Variants in ADGRB3 observed in about 807,000 individuals in gnomAD.
The protein encoded by ADGRB3 is brain-specific angiogenesis inhibitor 3.
Under a neutral mutation model 193.4 loss-of-function variants are expected in ADGRB3, and 37 were observed. That is an observed-to-expected ratio of 0.19 (90% confidence interval 0.15 to 0.25). The LOEUF is 0.25. ADGRB3 is among the 10% of genes least tolerant of loss of function. ADGRB3 has a pLI of 1.00. For missense variants in ADGRB3, 1,637 were observed against 1,852.9 expected, an observed-to-expected ratio of 0.88 and a Z score of 2.14; for synonymous variants, 690 against 644.2, an observed-to-expected ratio of 1.07 and a Z score of -1.08.
At chr6:68,894,386 G>C (rs536861956) in intron 3 of ADGRB3, among the ~76,000 whole-genome samples, 2 of 152,026 alleles carry the variant, frequency 1.3e-5, no homozygotes, top group African/African-American at 4.8e-5. Context: ...CAGAACATCT[G>C]TTCTGCAGAA....
At chr6:68,672,111 C>CT in intron 3 of ADGRB3, among the ~76,000 whole-genome samples, 1 of 151,828 alleles carries the variant, frequency 6.6e-6, no homozygotes, top group East Asian at 1.9e-4. Context: ...ATTATAATGT[C>CT]TTTTTTCATC....
chr6:69,301,274 AAC>A (rs938658042), intron 20 of ADGRB3, among the ~76,000 whole-genome samples: 1 of 151,830 alleles, frequency 6.6e-6, no homozygotes. Context: ...TATGCATACA[AAC>A]ACAGATTATA....
At chr6:68,702,342 C>G (rs990714237) in intron 3 of ADGRB3, among the ~76,000 whole-genome samples, 1 of 151,890 alleles carries the variant, frequency 6.6e-6, no homozygotes, top group Non-Finnish European at 1.5e-5. Context: ...GAAATCTGTC[C>G]CCATGATCCA....
chr6:68,890,645 C>T (rs984630505), intron 3 of ADGRB3, among the ~76,000 whole-genome samples: 35 of 152,216 alleles, frequency 2.3e-4, no homozygotes, highest in Non-Finnish European at 3.7e-4. Context: ...AGGTACAAGA[C>T]ATTAATAAAA....
At chr6:68,655,473 G>T (rs182448109) in intron 3 of ADGRB3, among the ~76,000 whole-genome samples, 1 of 151,598 alleles carries the variant, frequency 6.6e-6, no homozygotes, top group East Asian at 1.9e-4. Flanking sequence ...ACTCTTCACT[G>T]CAATTAGAAT....
chr6:68,716,992 G>T (rs766157971), intron 3 of ADGRB3, among the ~76,000 whole-genome samples: 7 of 151,580 alleles, frequency 4.6e-5, no homozygotes, highest in Non-Finnish European at 1.0e-4. Context: ...GATAAAGCCG[G>T]CTTTCTTCAT....
At chr6:68,869,911 T>C (rs1275915618) in intron 3 of ADGRB3, among the ~76,000 whole-genome samples, 1 of 152,106 alleles carries the variant, frequency 6.6e-6, no homozygotes, top group Non-Finnish European at 1.5e-5. Context: ...CTCCAGTAGC[T>C]GGGATTATAG....
At chr6:68,770,213 A>C (rs1389744206) in intron 3 of ADGRB3, among the ~76,000 whole-genome samples, 1 of 152,144 alleles carries the variant, frequency 6.6e-6, no homozygotes, top group Non-Finnish European at 1.5e-5. Context: ...GAAGGAATAC[A>C]TTAAGGGAAC....
At position 68,882,995 on chromosome 6, in the gene ADGRB3, G is replaced by A. The variant is rs147902843; in HGVS notation, c.758-47564G>A. 5.7e-3 allele frequency among the ~76,000 whole-genome samples: 865 copies of A among 152,072 alleles called. 4 individuals are homozygous for A. Among genetic ancestry groups the A allele is most frequent in the Non-Finnish European group, 8.0e-3 (544 of 67,984 alleles). On this transcript the variant is annotated intron_variant, in intron 3 of 31. Transcript: ENST00000370598. ...TGCAAGCTCTGCTTCCTGGGTTCAC[G>A]CCATTCTCCTGCCTCAGCCTCCGGA...
At chr6:68,895,365 T>G (rs1766190591) in intron 3 of ADGRB3, among the ~76,000 whole-genome samples, 1 of 151,972 alleles carries the variant, frequency 6.6e-6, no homozygotes, top group Non-Finnish European at 1.5e-5. Flanking sequence ...AAAACATGTA[T>G]TTAGTGTACA....
intron 3 of ADGRB3, among the ~76,000 whole-genome samples, chr6:68,676,911 T>C (rs1769105806): frequency 6.6e-6 from 1 of 152,008 alleles, no homozygotes; most frequent in Non-Finnish European, 1.5e-5. Flanking sequence ...CTAATCAAAT[T>C]TGCAAAACAG....
chr6:69,051,682 G>T (rs1771397148), intron 15 of ADGRB3, among the ~76,000 whole-genome samples: 1 of 152,132 alleles, frequency 6.6e-6, no homozygotes. Flanking sequence ...CTTCCAGAAA[G>T]TCTAATGAGT....
At chr6:68,642,308 T>G (rs1309731913) in intron 3 of ADGRB3, among the ~76,000 whole-genome samples, 1 of 152,102 alleles carries the variant, frequency 6.6e-6, no homozygotes, top group Non-Finnish European at 1.5e-5. Context: ...CAAAGATATA[T>G]CAAATGTTGA....
intron 11 of ADGRB3, among the ~76,000 whole-genome samples, chr6:69,006,392 G>T (rs541692508): frequency 2.0e-5 from 3 of 151,834 alleles, no homozygotes; most frequent in Non-Finnish European, 2.9e-5. Context: ...AAAAAAACCC[G>T]CATTTACTTT....
intron 3 of ADGRB3, among the ~76,000 whole-genome samples, chr6:68,921,248 A>G (rs952278790): frequency 6.6e-6 from 1 of 152,206 alleles, no homozygotes; most frequent in Admixed American, 6.5e-5. Flanking sequence ...AAATCCGACT[A>G]TATATGTTAT....
intron 17 of ADGRB3, among the ~76,000 whole-genome samples, chr6:69,106,183 AG>A (rs1773209350): frequency 1.1e-4 from 15 of 139,334 alleles, no homozygotes; most frequent in South Asian, 2.3e-4. Flanking sequence ...AAAAAAAAAA[AG>A]AAAAGAAAAG....
intron 17 of ADGRB3, among the ~76,000 whole-genome samples, chr6:69,122,974 GTATA>G (rs1166157133): frequency 7.0e-6 from 1 of 142,142 alleles, no homozygotes; most frequent in Admixed American, 7.4e-5. Context: ...ATATATGTGT[GTATA>G]TATATATACA....
intron 3 of ADGRB3, among the ~76,000 whole-genome samples, chr6:68,659,710 G>A (rs1422414618): frequency 2.0e-5 from 3 of 150,952 alleles, no homozygotes; most frequent in African/African-American, 4.8e-5. Context: ...TTAGGTACAC[G>A]ATTAAAAATA....
intron 3 of ADGRB3, among the ~76,000 whole-genome samples, chr6:68,755,486 T>C (rs542907868): frequency 2.6e-5 from 4 of 152,258 alleles, no homozygotes; most frequent in African/African-American, 9.6e-5. Context: ...ATGGTTCTTC[T>C]GGATTTGTCT....
Sources: allele counts gnomAD v4.1 joint callset (sites outside exome capture counted in the v4.1 genomes callset), GRCh38; gene constraint gnomAD v4.1.1; transcripts MANE v1.5; gene names NCBI Gene and HGNC (gene_info 2026-07-23, HGNC 2026-07-21).